Variants in FBXL17 observed in about 807,000 individuals in gnomAD.
The protein encoded by FBXL17 is F-box and leucine rich repeat protein 17.
In FBXL17, 22 loss-of-function variants were observed where a neutral mutation model predicts 66.2. That is an observed-to-expected ratio of 0.33 (90% CI 0.24 to 0.47). FBXL17 has a LOEUF of 0.47. FBXL17 is among the 20% of genes least tolerant of loss of function. The pLI is 1.00. For missense variants in FBXL17, 878 were observed against 948.2 expected (o/e 0.93, Z 0.97); for synonymous variants, 474 against 400.5 (o/e 1.18, Z -2.19).
intron 7 of FBXL17, among the ~76,000 whole-genome samples, chr5:107,973,354 A>ATTTTTTTTTTTTTTTTTT (rs200079422): frequency 3.3e-5 from 4 of 120,456 alleles, no homozygotes; most frequent in East Asian, 2.3e-4. Context: ...TTTTTTTGTA[A>ATTTTTTTTTTTTTTTTTT]TTTTTTTTTT....
intron 1 of FBXL17, among the ~76,000 whole-genome samples, chr5:108,368,436 A>T (rs1748814027): frequency 6.6e-6 from 1 of 152,132 alleles, no homozygotes; most frequent in Non-Finnish European, 1.5e-5. Flanking sequence ...TAAGAAAGGT[A>T]CTTTACCTTT....
chr5:108,096,366 G>C lies in FBXL17; in HGVS notation c.1746-75365C>G, dbSNP rs575960463. Among the ~76,000 whole-genome samples the C allele has an allele frequency of 2.3e-4, 35 of 152,248 alleles. No individual in the cohort carries two copies. In the South Asian group the frequency reaches 7.1e-3, roughly 31 times the overall value. ...TCAATTTAGGCAGTTAACCACATAG[G>C]ACGATCTTAGTGTTACAAGGCCCAT... On this transcript the variant is annotated intron_variant, in intron 6 of 8. Coordinates refer to ENST00000542267, the MANE Select transcript of FBXL17 (RefSeq NM_001163315.3).
chr5:108,048,696 G>A (rs764573423), intron 6 of FBXL17, among the ~76,000 whole-genome samples: 1 of 152,166 alleles, frequency 6.6e-6, no homozygotes, highest in Non-Finnish European at 1.5e-5. Flanking sequence ...CCAAGTGGAA[G>A]AAAGAATATC....
intron 6 of FBXL17, among the ~76,000 whole-genome samples, chr5:108,116,938 T>C (rs2149959937): frequency 6.6e-6 from 1 of 152,018 alleles, no homozygotes; most frequent in East Asian, 1.9e-4. Flanking sequence ...TAAAAAAAAA[T>C]TGGTGAAAAT....
At chr5:108,053,427 A>G (rs111667294) in intron 6 of FBXL17, among the ~76,000 whole-genome samples, 5,218 of 152,300 alleles carry the variant, frequency 0.034, 288 homozygotes, top group African/African-American at 0.12. Context: ...TACACAGCCA[A>G]CAAACATATG....
chr5:108,231,198 A>AT lies in FBXL17; in HGVS notation c.1507-6971dup, dbSNP rs139636829. ...AACTTATATGCCATAAAATCCATCCATTTTGAGTATAATTCGTCAAGTTTT... is the reference window on the plus strand; with the variant it reads ...AACTTATATGCCATAAAATCCATCCATTTTTGAGTATAATTCGTCAAGTTTT... On this transcript the variant is annotated intron_variant, in intron 4 of 8. Coordinates refer to ENST00000542267, the MANE Select transcript of FBXL17 (RefSeq NM_001163315.3). Among the ~76,000 whole-genome samples the AT allele has an allele frequency of 5.7e-3, 867 of 152,282 alleles. 5 individuals carry two copies. The highest frequency in any genetic ancestry group is 0.02 in the African/African-American group (838 of 41,554).
At chr5:108,112,473 C>T (rs1580457455) in intron 6 of FBXL17, among the ~76,000 whole-genome samples, 1 of 152,162 alleles carries the variant, frequency 6.6e-6, no homozygotes, top group Non-Finnish European at 1.5e-5. Flanking sequence ...AACTTTAATT[C>T]TTCCCAGAAC....
chr5:108,332,308 C>T (rs1370248334), intron 4 of FBXL17, among the ~76,000 whole-genome samples: 1 of 152,112 alleles, frequency 6.6e-6, no homozygotes, highest in African/African-American at 2.4e-5. Context: ...CACAGTATAT[C>T]ATGAACCAAC....
chr5:108,049,760 G>A (rs574590461), intron 6 of FBXL17, among the ~76,000 whole-genome samples: 2 of 152,092 alleles, frequency 1.3e-5, no homozygotes, highest in Non-Finnish European at 2.9e-5. Flanking sequence ...ATGTAAATGG[G>A]CTAAATGCTC....
At chr5:107,987,086 A>C (rs1163627854) in intron 7 of FBXL17, among the ~76,000 whole-genome samples, 1 of 152,116 alleles carries the variant, frequency 6.6e-6, no homozygotes, top group Non-Finnish European at 1.5e-5. Flanking sequence ...AGAATGGCTG[A>C]AAATGAACTA....
chr5:108,336,956 C>A (rs1372187823), intron 4 of FBXL17, among the ~76,000 whole-genome samples: 4 of 151,998 alleles, frequency 2.6e-5, no homozygotes, highest in Non-Finnish European at 5.9e-5. Context: ...GAAACTCTTT[C>A]TTCCTTATCT....
intron 7 of FBXL17, among the ~76,000 whole-genome samples, chr5:107,959,381 A>AACACACACACACACACACACACAC (rs57041975): frequency 1.3e-4 from 19 of 148,002 alleles, no homozygotes; most frequent in South Asian, 2.2e-4. Flanking sequence ...GGCTGCTATA[A>AACACACACACACACACACACACAC]ACACACACAC....
intron 7 of FBXL17, among the ~76,000 whole-genome samples, chr5:107,931,125 T>C (rs766631291): frequency 5.7e-4 from 87 of 152,324 alleles, no homozygotes; most frequent in Non-Finnish European, 7.5e-4. Flanking sequence ...ATGCTGCCAG[T>C]TGCACATCTG....
At chr5:108,136,841 G>A (rs1054655239) in intron 6 of FBXL17, among the ~76,000 whole-genome samples, 1 of 152,010 alleles carries the variant, frequency 6.6e-6, no homozygotes, top group African/African-American at 2.4e-5. Flanking sequence ...ATTTTCTTAA[G>A]ATAGAAAAAA....
At chr5:108,267,149 C>G (rs896963720) in intron 4 of FBXL17, among the ~76,000 whole-genome samples, 3 of 151,800 alleles carry the variant, frequency 2.0e-5, no homozygotes, top group African/African-American at 7.3e-5. Context: ...TAATGGATAT[C>G]ACTAAAAATT....
rs183367234 is a variant in FBXL17, at chr5:108,166,868, T to C, written c.1745+19249A>G. On this transcript the variant is annotated intron_variant, in intron 6 of 8. Transcript: ENST00000542267. ...TAAAAGGTATGCTTCCTGGAATAAT[T>C]TGAATTTCACTGAATCTCCTATTAA... Among the ~76,000 whole-genome samples, 16 of 152,332 alleles carry C rather than the reference T, an allele frequency of 1.1e-4. No homozygotes were observed. In the East Asian group the frequency reaches 2.7e-3, roughly 26 times the overall value.
intron 4 of FBXL17, among the ~76,000 whole-genome samples, chr5:108,268,305 G>A (rs762267278): frequency 1.3e-5 from 2 of 151,928 alleles, no homozygotes; most frequent in Admixed American, 6.6e-5. Flanking sequence ...AGGCACAAAT[G>A]CATGCATATG....
chr5:108,343,814 G>T (rs1747064491), intron 4 of FBXL17, among the ~76,000 whole-genome samples: 1 of 152,104 alleles, frequency 6.6e-6, no homozygotes, highest in Non-Finnish European at 1.5e-5. Flanking sequence ...AACAGACTAG[G>T]TGATATTAGA....
At chr5:108,054,175 C>T (rs1187881532) in intron 6 of FBXL17, among the ~76,000 whole-genome samples, 1 of 151,506 alleles carries the variant, frequency 6.6e-6, no homozygotes, top group Non-Finnish European at 1.5e-5. Flanking sequence ...ACCATCATGG[C>T]ACATGTGTAC....
Sources: gnomAD v4.1 joint callset for allele counts (sites outside exome capture counted in the v4.1 genomes callset) on GRCh38, gnomAD v4.1.1 for gene constraint, MANE v1.5 for transcripts, NCBI Gene and HGNC (gene_info 2026-07-23, HGNC 2026-07-21) for gene names.